The following TENM4 variants were observed in gnomAD, a reference collection of about 807,000 sequenced individuals.
The protein encoded by TENM4 is teneurin-4.
TENM4 carries 82 observed loss-of-function variants against 243.3 expected under a neutral mutation model. The observed-to-expected ratio is 0.34, with a 90% CI of 0.28 to 0.40. TENM4 has a LOEUF of 0.40. Ranked by LOEUF, TENM4 falls within the 10% of genes least tolerant of loss-of-function variation. The probability of loss-of-function intolerance (pLI) is 1.00; values close to 1 mark genes in which losing one functional copy is unlikely to be tolerated. For synonymous variants in TENM4, 1,412 were observed against 1,456.3 expected, an observed-to-expected ratio of 0.97 and a Z score of 0.69; for missense variants, 3,138 against 3,673.3, an observed-to-expected ratio of 0.85 and a Z score of 3.77.
At chr11:79,016,734 A>G in intron 6 of TENM4, among the ~76,000 whole-genome samples, 1 of 152,244 alleles carries the variant, frequency 6.6e-6, no homozygotes, top group East Asian at 1.9e-4. Flanking sequence ...TTCATAGTTA[A>G]TAGCATGTGT....
chr11:79,258,388 G>C (rs1449831490), intron 2 of TENM4, among the ~76,000 whole-genome samples: 2 of 152,308 alleles, frequency 1.3e-5, no homozygotes, highest in East Asian at 3.9e-4. Flanking sequence ...GCCTCCCCAA[G>C]CTAGTAGGCA....
intron 6 of TENM4, among the ~76,000 whole-genome samples, chr11:78,986,964 T>C (rs552125857): frequency 6.6e-6 from 1 of 152,336 alleles, no homozygotes; most frequent in South Asian, 2.1e-4. Context: ...TATTCCCTTA[T>C]ACAGATTCCA....
At chr11:78,815,051 G>A (rs954592780) in intron 12 of TENM4, among the ~76,000 whole-genome samples, 3 of 152,092 alleles carry the variant, frequency 2.0e-5, no homozygotes, top group Non-Finnish European at 4.4e-5. Flanking sequence ...CTCCCCATTT[G>A]CTAAGATGAA....
chr11:79,388,888 C>G (rs776899496), intron 1 of TENM4, among the ~76,000 whole-genome samples: 26 of 152,184 alleles, frequency 1.7e-4, no homozygotes, highest in Non-Finnish European at 3.1e-4. Context: ...TGGAGGAAAA[C>G]TGGGATGTGT....
chr11:78,714,143 C>T (rs1440031758), intron 25 of TENM4, among the ~76,000 whole-genome samples: 13 of 152,192 alleles, frequency 8.5e-5, no homozygotes, highest in Non-Finnish European at 1.9e-4. Flanking sequence ...AAGATGAAAG[C>T]AAGAGAATTT....
chr11:79,160,932 T>G (rs1253612056), intron 3 of TENM4, among the ~76,000 whole-genome samples: 3 of 152,166 alleles, frequency 2.0e-5, no homozygotes, highest in Non-Finnish European at 4.4e-5. Flanking sequence ...AGCAGAGGTG[T>G]TATGTGCAAC....
chr11:78,814,184 C>A (rs1025856814), intron 13 of TENM4, 110 bp downstream of exon 13: 14 of 1,026,350 alleles, frequency 1.4e-5, no homozygotes, highest in Non-Finnish European at 1.9e-5. Context: ...AAACCCTTCT[C>A]GTGGGCATCA....
At chr11:78,751,779 T>C (rs897998562) in intron 19 of TENM4, among the ~76,000 whole-genome samples, 1 of 152,154 alleles carries the variant, frequency 6.6e-6, no homozygotes. Context: ...ATGTCTCACG[T>C]TGCCCTCCCT....
chr11:79,296,008 T>C (rs1489441785), intron 2 of TENM4, among the ~76,000 whole-genome samples: 1 of 151,856 alleles, frequency 6.6e-6, no homozygotes. Flanking sequence ...ATTACAGCAT[T>C]CTAGGTGCAT....
chr11:78,713,788 G>A (rs895153171), intron 25 of TENM4, among the ~76,000 whole-genome samples: 1 of 152,138 alleles, frequency 6.6e-6, no homozygotes, highest in African/African-American at 2.4e-5. Context: ...CTACGTAGTA[G>A]ATATCTCTTA....
intron 12 of TENM4, among the ~76,000 whole-genome samples, chr11:78,830,115 G>A (rs1485513630): frequency 1.3e-5 from 2 of 152,206 alleles, no homozygotes; most frequent in Non-Finnish European, 2.9e-5. Flanking sequence ...ATACCTCCAA[G>A]GTATGGACAA....
At chr11:78,836,132 T>C (rs1054749959) in intron 12 of TENM4, among the ~76,000 whole-genome samples, 3 of 152,064 alleles carry the variant, frequency 2.0e-5, no homozygotes, top group Non-Finnish European at 4.4e-5. Flanking sequence ...CCGAGGTGGA[T>C]GGGTCACCTG....
chr11:79,330,604 A>G (rs1047927033), intron 1 of TENM4, among the ~76,000 whole-genome samples: 3 of 152,314 alleles, frequency 2.0e-5, no homozygotes, highest in South Asian at 4.1e-4. Flanking sequence ...AACACCCTCC[A>G]AGGGTAACTG....
chr11:79,018,268 T>G (rs1858830521), intron 6 of TENM4, among the ~76,000 whole-genome samples: 1 of 152,194 alleles, frequency 6.6e-6, no homozygotes, highest in Admixed American at 6.5e-5. Flanking sequence ...TCCCATTCAT[T>G]CTGAGCCATG....
At position 78,891,342 on chromosome 11, in the gene TENM4, C is replaced by T. The variant is rs1179699616; in HGVS notation, c.750-6G>A. The stretch of plus-strand genomic sequence containing the variant: ...ATGGCTGCTTGCCTAGGTTTCTACG[C>T]ACACATGGAGACATGAATGAAGCAA... On this transcript the variant is annotated splice_polypyrimidine_tract_variant and splice_region_variant and intron_variant, in intron 7 of 33. Transcript: ENST00000278550. 3.9e-6 allele frequency: 6 copies of T among 1,551,042 alleles called. No individual in the cohort carries two copies. Among genetic ancestry groups the T allele is most frequent in the Non-Finnish European group, 5.2e-6 (6 of 1,146,632 alleles).
At chr11:78,938,992 G>A (rs796318840) in intron 6 of TENM4, among the ~76,000 whole-genome samples, 3 of 152,210 alleles carry the variant, frequency 2.0e-5, no homozygotes, top group South Asian at 2.1e-4. Context: ...TCTTCTGGTG[G>A]TAACACCTTT....
At chr11:78,953,401 C>T (rs1857144781) in intron 6 of TENM4, among the ~76,000 whole-genome samples, 1 of 152,110 alleles carries the variant, frequency 6.6e-6, no homozygotes. Context: ...CTGCTTGCCT[C>T]CCAGGAGTAT....
In TENM4 at chr11:78,862,977, T is replaced by C. The variant is rs764010967; in HGVS notation, c.1240A>G (p.Lys414Glu). 3.4e-6 allele frequency: 5 copies of C among 1,469,390 alleles called. No homozygotes were observed. Among genetic ancestry groups the C allele is most frequent in the Non-Finnish European group, 4.6e-6 (5 of 1,091,172 alleles). The allele number at this position is 1,469,390 out of a possible 1,614,324, so 91.0% of individuals were successfully genotyped here. A position where few individuals can be genotyped will look rare whatever the true frequency, so the allele number is the denominator to read the frequency against. ...GCAACCCTACCTTCTGTGGTTCCTT[T>C]GCCTTTCCTGTCAGGGGTCTCTAAG... ...TGLETPDRKG[K>E]GTTEGKPSSF... Residue 414 changes from lysine (K) to glutamate (E), a missense_variant, in exon 10 of 34, where the codon AAA becomes GAA. Physicochemically the swap from Lys to Glu is moderately conservative, Grantham distance 56 (BLOSUM62 1). Around this residue, in one of 2 missense-constraint regions of TENM4, gnomAD observed 671 missense variants for 614.1 expected, o/e 1.09. Coordinates refer to ENST00000278550, the MANE Select transcript of TENM4 (RefSeq NM_001098816.3).
chr11:78,828,903 C>T (rs1857916564), intron 12 of TENM4, among the ~76,000 whole-genome samples: 1 of 152,248 alleles, frequency 6.6e-6, no homozygotes, highest in Non-Finnish European at 1.5e-5. Context: ...AATGTTAGCT[C>T]CAGCCTGGGC....
Sources: allele counts gnomAD v4.1 joint callset (sites outside exome capture counted in the v4.1 genomes callset), GRCh38; gene constraint gnomAD v4.1.1; regional missense constraint gnomAD v4.1.1; transcripts MANE v1.5; gene names NCBI Gene and HGNC (gene_info 2026-07-23, HGNC 2026-07-21).